Variants in ATRNL1 observed in about 807,000 individuals in gnomAD.
ATRNL1 encodes attractin like 1.
A neutral mutation model predicts 182.7 loss-of-function variants in ATRNL1; 95 were observed. The ratio of observed to expected loss-of-function variants is 0.52; its 90% confidence interval spans 0.44 to 0.62. The LOEUF (loss-of-function observed/expected upper bound fraction) is 0.62, where lower values mean the gene tolerates loss of function less well. ATRNL1 is among the 20% of genes least tolerant of loss of function. ATRNL1 has a pLI of 0.00. For synonymous variants in ATRNL1, 576 were observed against 568.3 expected (o/e 1.01, Z -0.19); for missense variants, 1,471 against 1,679.5 (o/e 0.88, Z 2.17).
intron 18 of ATRNL1, among the ~76,000 whole-genome samples, chr10:115,324,864 A>G (rs578081497): frequency 1.3e-5 from 2 of 152,300 alleles, no homozygotes; most frequent in Admixed American, 1.3e-4. Context: ...TTCCACGTAT[A>G]GTAAAATTTG....
intron 25 of ATRNL1, among the ~76,000 whole-genome samples, chr10:115,539,113 A>G (rs1484863986): frequency 6.6e-6 from 1 of 152,234 alleles, no homozygotes; most frequent in Non-Finnish European, 1.5e-5. Flanking sequence ...CTTAGAACAT[A>G]TCCCCATTAG....
At chr10:115,108,925 A>G (rs1844139317) in intron 1 of ATRNL1, among the ~76,000 whole-genome samples, 1 of 152,088 alleles carries the variant, frequency 6.6e-6, no homozygotes, top group South Asian at 2.1e-4. Flanking sequence ...CAGCCAAGTT[A>G]TTTGCTGCTT....
intron 27 of ATRNL1, among the ~76,000 whole-genome samples, chr10:115,808,941 C>T (rs1174934018): frequency 6.6e-6 from 1 of 152,082 alleles, no homozygotes; most frequent in Admixed American, 6.6e-5. Flanking sequence ...TTTTCTTATG[C>T]TTCCTTCTAG....
chr10:115,678,316 A>G (rs1555043683), intron 26 of ATRNL1, among the ~76,000 whole-genome samples: 1 of 152,128 alleles, frequency 6.6e-6, no homozygotes, highest in East Asian at 1.9e-4. Context: ...TTTAACTAAT[A>G]TAAGTACAAT....
At chr10:115,489,572 T>C (rs557161698) in intron 24 of ATRNL1, among the ~76,000 whole-genome samples, 1 of 152,328 alleles carries the variant, frequency 6.6e-6, no homozygotes, top group East Asian at 1.9e-4. Flanking sequence ...TGCTTTCCAT[T>C]TGCTTGGTAA....
intron 21 of ATRNL1, among the ~76,000 whole-genome samples, chr10:115,449,778 A>G (rs1847195417): frequency 6.6e-6 from 1 of 152,194 alleles, no homozygotes; most frequent in African/African-American, 2.4e-5. Context: ...ATGAAGGGTC[A>G]GGGAAAATGT....
intron 15 of ATRNL1, among the ~76,000 whole-genome samples, chr10:115,291,603 G>C (rs1291889265): frequency 6.6e-6 from 1 of 152,068 alleles, no homozygotes; most frequent in African/African-American, 2.4e-5. Flanking sequence ...TGCTTTTGCT[G>C]CATCTATTGA....
intron 28 of ATRNL1, among the ~76,000 whole-genome samples, chr10:115,891,864 C>A (rs1952087808): frequency 6.6e-6 from 1 of 152,090 alleles, no homozygotes; most frequent in Admixed American, 6.6e-5. Flanking sequence ...ATCCAACAAT[C>A]TTGTATATTC....
chr10:115,248,291 T>C (rs1850730199), intron 10 of ATRNL1, among the ~76,000 whole-genome samples: 1 of 152,174 alleles, frequency 6.6e-6, no homozygotes, highest in African/African-American at 2.4e-5. Flanking sequence ...CATTAATATG[T>C]ACAATTATTT....
At chr10:115,404,815 C>CTTTTTT (rs11408585) in intron 20 of ATRNL1, among the ~76,000 whole-genome samples, 124 of 136,612 alleles carry the variant, frequency 9.1e-4, no homozygotes, top group African/African-American at 3.0e-3. Flanking sequence ...AACCTCCCAG[C>CTTTTTT]TTTTTTTTTT....
rs534228153 is a variant in ATRNL1 at position 115,823,333 on chromosome 10, C to T, written c.3904-24544C>T. ...CACAGCCAATAACATACTGAATGGG[C>T]AAAAGCTGGAAGCATTCCCTTTGAA... On this transcript the variant is annotated intron_variant, in intron 27 of 28. Transcript: ENST00000355044. 1.1e-4 allele frequency among the ~76,000 whole-genome samples: 17 copies of T among 152,244 alleles called. No individual in the cohort carries two copies. The East Asian group carries it at 3.3e-3, about 29-fold the overall frequency.
At chr10:115,860,042 C>T (rs1368129736) in intron 28 of ATRNL1, among the ~76,000 whole-genome samples, 1 of 152,102 alleles carries the variant, frequency 6.6e-6, no homozygotes, top group African/African-American at 2.4e-5. Flanking sequence ...GTAGCATATC[C>T]AAAGCTTTCA....
rs563596861 is a variant in ATRNL1 at position 115,701,304 on chromosome 10, AGC to A, written c.3796-25943_3796-25942del. On this transcript the variant is annotated intron_variant, in intron 26 of 28. Coordinates refer to ENST00000355044, the MANE Select transcript of ATRNL1 (RefSeq NM_207303.4). ...ACCAAAATTTCTGGGATGCAGCAAA[AGC>A]AGTATTCAGAGGAAGCTTATAGTGC... 4.2e-3 allele frequency among the ~76,000 whole-genome samples: 642 copies of A among 152,208 alleles called. 2 individuals carry two copies. Among genetic ancestry groups the A allele is most frequent in the African/African-American group, 9.7e-3 (405 of 41,574 alleles).
intron 26 of ATRNL1, among the ~76,000 whole-genome samples, chr10:115,639,034 A>G (rs141916227): frequency 1.3e-3 from 195 of 152,292 alleles, no homozygotes; most frequent in African/African-American, 4.4e-3. Flanking sequence ...ACAGAAACCT[A>G]CAGGTCCAAG....
At chr10:115,832,558 G>A (rs1950582113) in intron 27 of ATRNL1, among the ~76,000 whole-genome samples, 1 of 152,086 alleles carries the variant, frequency 6.6e-6, no homozygotes, top group East Asian at 1.9e-4. Flanking sequence ...TGTCTCCTGT[G>A]GTATGTCATT....
At chr10:115,892,807 G>C (rs192704938) in intron 28 of ATRNL1, among the ~76,000 whole-genome samples, 2 of 152,078 alleles carry the variant, frequency 1.3e-5, no homozygotes, top group Non-Finnish European at 2.9e-5. Context: ...CTGCTTATGC[G>C]CCTGTGTTTG....
intron 21 of ATRNL1, among the ~76,000 whole-genome samples, chr10:115,455,002 T>G (rs745520613): frequency 2.0e-5 from 3 of 152,178 alleles, no homozygotes; most frequent in Non-Finnish European, 4.4e-5. Flanking sequence ...CTTACAGCTT[T>G]TTATCATTGC....
At chr10:115,686,028 CTTTA>C (rs1459803842) in intron 26 of ATRNL1, among the ~76,000 whole-genome samples, 1 of 151,408 alleles carries the variant, frequency 6.6e-6, no homozygotes, top group African/African-American at 2.4e-5. Context: ...CTTCTACAAA[CTTTA>C]TTTATAGAAG....
intron 27 of ATRNL1, among the ~76,000 whole-genome samples, chr10:115,847,346 AAG>A (rs1211881014): frequency 1.3e-5 from 2 of 152,088 alleles, no homozygotes; most frequent in African/African-American, 2.4e-5. Context: ...AAAATGTGCT[AAG>A]AGAGTGTATT....
Sources: allele counts gnomAD v4.1 joint callset (sites outside exome capture counted in the v4.1 genomes callset), GRCh38; gene constraint gnomAD v4.1.1; transcripts MANE v1.5; gene names NCBI Gene and HGNC (gene_info 2026-07-23, HGNC 2026-07-21).